PLSCR4: variants seen among roughly 807,000 people sequenced by gnomAD.
PLSCR4 encodes phospholipid scramblase 4.
In PLSCR4, 25 loss-of-function variants were observed where a neutral mutation model predicts 36.3. The ratio of observed to expected loss-of-function variants is 0.69; its 90% CI spans 0.50 to 0.96. PLSCR4 has a LOEUF of 0.96. Ranked by LOEUF, PLSCR4 falls within the 40% of genes least tolerant of loss-of-function variation. PLSCR4 has a pLI of 0.00. For missense variants in PLSCR4, 408 were observed against 414.7 expected, an observed-to-expected ratio of 0.98 and a Z score of 0.14; for synonymous variants, 122 against 132.9, an observed-to-expected ratio of 0.92 and a Z score of 0.56.
intron 3 of PLSCR4, among the ~76,000 whole-genome samples, chr3:146,220,468 T>C (rs1424384786): frequency 6.6e-6 from 1 of 152,194 alleles, no homozygotes; most frequent in African/African-American, 2.4e-5. Flanking sequence ...GCTTGTGAAA[T>C]TTTTATCATG....
At chr3:146,205,902 C>T (rs1394497229) in intron 4 of PLSCR4, among the ~76,000 whole-genome samples, 1 of 152,020 alleles carries the variant, frequency 6.6e-6, no homozygotes, top group Non-Finnish European at 1.5e-5. Flanking sequence ...ACTATTTGTG[C>T]ACAAACTTCC....
intron 2 of PLSCR4, 73 bp downstream of exon 2, chr3:146,221,989 TCCC>T: frequency 1.3e-6 from 1 of 743,666 alleles, no homozygotes; most frequent in Non-Finnish European, 2.1e-6. Context: ...CGAAATAAAG[TCCC>T]CCTTTAGGGA....
chr3:146,245,129 C>T (rs1310422959), intron 1 of PLSCR4, among the ~76,000 whole-genome samples: 1 of 151,898 alleles, frequency 6.6e-6, no homozygotes, highest in Non-Finnish European at 1.5e-5. Flanking sequence ...AAGATGTTAC[C>T]GAATTGTTGC....
At chr3:146,206,243 T>G (rs115127765) in intron 4 of PLSCR4, among the ~76,000 whole-genome samples, 64 of 152,228 alleles carry the variant, frequency 4.2e-4, no homozygotes, top group African/African-American at 1.5e-3. Context: ...TGATAGTTTT[T>G]CTATTTCCAT....
chr3:146,225,055 G>A (rs922017988), intron 1 of PLSCR4, among the ~76,000 whole-genome samples: 2 of 148,644 alleles, frequency 1.3e-5, no homozygotes, highest in African/African-American at 5.0e-5. Flanking sequence ...AGTGCCAATT[G>A]GTGTATTTAC....
intron 3 of PLSCR4, among the ~76,000 whole-genome samples, chr3:146,209,150 A>C (rs901587219): frequency 6.6e-6 from 1 of 152,174 alleles, no homozygotes; most frequent in African/African-American, 2.4e-5. Flanking sequence ...TAAGGAAAGT[A>C]ATTCAGGAAT....
At chr3:146,210,930 G>A (rs1402292218) in intron 3 of PLSCR4, among the ~76,000 whole-genome samples, 1 of 151,804 alleles carries the variant, frequency 6.6e-6, no homozygotes, top group Non-Finnish European at 1.5e-5. Flanking sequence ...TTATGGCTGA[G>A]TAGTATTCTA....
Position 146,212,964 on chromosome 3 carries a change from G to A in PLSCR4, c.119-6203C>T, listed in dbSNP as rs372936418. ...GTCAAGTGTGATTTCTGTGCTTACT[G>A]ATGTGGTCATGTGGTGTTTGTACTA... On this transcript the variant is annotated intron_variant, in intron 3 of 8. Coordinates refer to ENST00000354952, the MANE Select transcript of PLSCR4 (RefSeq NM_020353.3). Among the ~76,000 whole-genome samples the A allele has an allele frequency of 3.8e-4, 58 of 152,254 alleles. 5 individuals carry two copies. The South Asian group carries it at 8.9e-3, about 23-fold the overall frequency.
In PLSCR4 at chr3:146,192,392, G is replaced by GA. The variant is rs1355456950; in HGVS notation, c.*2018dup. ...AGCCATAAAGAATACGAAAAAGCAT[G>GA]AACGCACAAATTCCAGAGAATTTGT... On this transcript the variant is annotated 3_prime_UTR_variant, in exon 9 of 9. Transcript: ENST00000354952. 6.6e-6 allele frequency: 1 copy of GA among 150,456 alleles called. No individual in the cohort carries two copies. 9.3% of individuals were successfully genotyped at this position (150,456 alleles called of 1,614,324 possible). A position where few individuals can be genotyped will look rare whatever the true frequency, so the allele number is the denominator to read the frequency against.
chr3:146,207,516 T>C (rs74446276), intron 3 of PLSCR4, among the ~76,000 whole-genome samples: 2,104 of 152,134 alleles, frequency 0.014, 55 homozygotes, highest in African/African-American at 0.048. Context: ...TTCACCTTCT[T>C]GCTATATGCT....
At chr3:146,199,370 T>C (rs774170261) in intron 6 of PLSCR4, among the ~76,000 whole-genome samples, 1 of 152,166 alleles carries the variant, frequency 6.6e-6, no homozygotes, top group Non-Finnish European at 1.5e-5. Context: ...CTCAGCCATT[T>C]AGTAATTTTG....
chr3:146,208,277 A>G (rs1182304502), intron 3 of PLSCR4, among the ~76,000 whole-genome samples: 1 of 152,174 alleles, frequency 6.6e-6, no homozygotes, highest in African/African-American at 2.4e-5. Context: ...ATAAAAATCA[A>G]CGCAAGATGG....
intron 1 of PLSCR4, among the ~76,000 whole-genome samples, chr3:146,225,189 C>T (rs1460172287): frequency 6.6e-6 from 1 of 152,026 alleles, no homozygotes; most frequent in Non-Finnish European, 1.5e-5. Context: ...ATTTACAATC[C>T]CTGAGCTAGA....
chr3:146,195,227 C>A lies in PLSCR4; in HGVS notation c.842G>T (p.Gly281Val). The change falls in exon 8 of 9, where the codon GGT (glycine) becomes GTT (valine). Residue 281 changes from glycine to valine, a missense_variant. Coordinates refer to ENST00000354952, the MANE Select transcript of PLSCR4 (RefSeq NM_020353.3). ...NIGSIIRKWN[G>V]LLSAMADADH... ...AGCATCTGCCATTGCTGATAACAAA[C>A]CATTCCACTTCCGGATAATACTGCC... 6.2e-7 allele frequency: 1 copy of A among 1,613,752 alleles called. No homozygotes were observed. Among genetic ancestry groups the A allele is most frequent in the Non-Finnish European group, 8.5e-7 (1 of 1,179,698 alleles).
chr3:146,206,650 C>T lies in PLSCR4; in HGVS notation c.230G>A (p.Gly77Asp), dbSNP rs767537027. ...STFPLYQPVG[G>D]IHPVRYQPGK... ...AGGCTGATACCGGACAGGATGGATA[C>T]CACCAACTGGCTGGTACAAAGGGAA... is the stretch of plus-strand genomic sequence containing the variant. Residue 77 changes from glycine (G) to aspartate (D), a missense_variant, in exon 4 of 9, where the codon GGT becomes GAT. Gly to Asp is a moderately conservative substitution (Grantham distance 94, BLOSUM62 -1). Coordinates refer to ENST00000354952, the MANE Select transcript of PLSCR4 (RefSeq NM_020353.3). The T allele has an allele frequency of 3.1e-6, 5 of 1,613,402 alleles. No homozygotes were observed. Among genetic ancestry groups the T allele is most frequent in the Non-Finnish European group, 4.2e-6 (5 of 1,179,652 alleles).
chr3:146,226,905 A>G (rs9844172), intron 1 of PLSCR4, among the ~76,000 whole-genome samples: 53,228 of 152,088 alleles, frequency 0.35, 9,399 homozygotes, highest in Admixed American at 0.38. Flanking sequence ...CACAAGTTTC[A>G]GATACTCGAA....
chr3:146,225,565 G>A (rs1474728668), intron 1 of PLSCR4, among the ~76,000 whole-genome samples: 2 of 152,186 alleles, frequency 1.3e-5, no homozygotes, highest in South Asian at 2.1e-4. Flanking sequence ...AGCAGGTCCC[G>A]AGCCCCGCCC....
intron 5 of PLSCR4, 28 bp from the exon 6 acceptor site, chr3:146,200,067 T>C: frequency 7.9e-7 from 1 of 1,270,678 alleles, no homozygotes; most frequent in Non-Finnish European, 1.1e-6. Flanking sequence ...TAAGTCTATA[T>C]TAGAAACATT....
At chr3:146,212,532 T>C (rs570676706) in intron 3 of PLSCR4, among the ~76,000 whole-genome samples, 18 of 150,916 alleles carry the variant, frequency 1.2e-4, no homozygotes, top group Admixed American at 2.7e-4. Context: ...TTCACTGCAG[T>C]CTCAAATCCC....
Sources: allele counts gnomAD v4.1 joint callset (sites outside exome capture counted in the v4.1 genomes callset), GRCh38; gene constraint gnomAD v4.1.1; transcripts MANE v1.5; gene names NCBI Gene and HGNC (gene_info 2026-07-23, HGNC 2026-07-21).